The following EFL1 variants were observed in gnomAD, a reference collection of about 807,000 sequenced individuals.
EFL1 encodes the protein elongation factor-like GTPase 1.
In EFL1, 76 loss-of-function variants were observed where a neutral mutation model predicts 126.7. The ratio of observed to expected loss-of-function variants is 0.60; its 90% confidence interval spans 0.50 to 0.73. EFL1 has a LOEUF of 0.73. Ranked by LOEUF, EFL1 falls within the 30% of genes least tolerant of loss-of-function variation. The probability of loss-of-function intolerance (pLI) is 0.00; values close to 1 mark genes in which losing one functional copy is unlikely to be tolerated. For synonymous variants in EFL1, 410 were observed against 448.4 expected (o/e 0.91, Z 1.08); for missense variants, 1,128 against 1,343.2 (o/e 0.84, Z 2.50).
intron 15 of EFL1, among the ~76,000 whole-genome samples, chr15:82,204,012 TACA>T (rs2074498868): frequency 6.6e-6 from 1 of 152,244 alleles, no homozygotes; most frequent in Non-Finnish European, 1.5e-5. Context: ...TGTATCAATT[TACA>T]ACAACAGTTT....
chr15:82,230,715 A>G, intron 8 of EFL1, 133 bp downstream of exon 8: 1 of 1,056,912 alleles, frequency 9.5e-7, no homozygotes, highest in Non-Finnish European at 1.3e-6. Context: ...TCCCAATTAT[A>G]TACAGTAAAA....
chr15:82,173,879 TC>T (rs999654348), intron 15 of EFL1, among the ~76,000 whole-genome samples: 17 of 151,766 alleles, frequency 1.1e-4, no homozygotes, highest in African/African-American at 3.1e-4. Context: ...GATAAAACAA[TC>T]TTTTTTTCTT....
At chr15:82,188,503 T>A (rs563852820) in intron 15 of EFL1, among the ~76,000 whole-genome samples, 6 of 152,164 alleles carry the variant, frequency 3.9e-5, no homozygotes, top group Non-Finnish European at 7.4e-5. Flanking sequence ...AATCTATCTG[T>A]CTCTACCTGT....
intron 12 of EFL1, among the ~76,000 whole-genome samples, chr15:82,223,899 C>T (rs184729774): frequency 6.6e-6 from 1 of 152,168 alleles, no homozygotes; most frequent in African/African-American, 2.4e-5. Context: ...ATTTACTCAC[C>T]CATCTATTCC....
In EFL1 at chr15:82,240,463, G is replaced by C; in HGVS notation, c.471C>G (p.Phe157Leu). ...KIDRLIVELKFTPQEAYSHLK... is the reference protein window; with the variant it reads ...KIDRLIVELKLTPQEAYSHLK... ...GGTGAGAATAGGCCTCTTGTGGGGT[G>C]AATTTCAGTTCCACTATCAAGCGAT... The change falls in exon 6 of 20, where the codon TTC becomes TTG. Residue 157 changes from phenylalanine to leucine, a missense_variant. Phe to Leu is a conservative substitution (Grantham distance 22). Coordinates refer to ENST00000268206, the MANE Select transcript of EFL1 (RefSeq NM_024580.6). The C allele has an allele frequency of 6.2e-7, 1 of 1,613,418 alleles. No homozygotes were observed.
chr15:82,238,182 C>T (rs544709183), intron 7 of EFL1, 125 bp downstream of exon 7: 1 of 1,038,896 alleles, frequency 9.6e-7, no homozygotes, highest in African/African-American at 1.6e-5. Flanking sequence ...CACCAGAGAA[C>T]TCTCTGCATT....
At chr15:82,143,119 A>G (rs780062340) in intron 18 of EFL1, among the ~76,000 whole-genome samples, 1 of 152,212 alleles carries the variant, frequency 6.6e-6, no homozygotes, top group Non-Finnish European at 1.5e-5. Flanking sequence ...TGTCCACAGC[A>G]ATGTTTTCTT....
chr15:82,141,407 C>T (rs1024063503), intron 18 of EFL1, among the ~76,000 whole-genome samples: 24 of 152,256 alleles, frequency 1.6e-4, no homozygotes, highest in African/African-American at 5.5e-4. Context: ...CGGTGGCTCA[C>T]GCCTATAATC....
At chr15:82,231,131 C>T (rs564943416) in intron 7 of EFL1, among the ~76,000 whole-genome samples, 160 bp from the exon 8 acceptor site, 4 of 152,252 alleles carry the variant, frequency 2.6e-5, no homozygotes, top group African/African-American at 9.6e-5. Flanking sequence ...AGAGATATCA[C>T]ACAGGGAACA....
At chr15:82,210,250 CAG>C (rs2074569764) in intron 15 of EFL1, among the ~76,000 whole-genome samples, 1 of 152,198 alleles carries the variant, frequency 6.6e-6, no homozygotes, top group African/African-American at 2.4e-5. Context: ...CATCAAAAGG[CAG>C]AGTCAGTTCC....
chr15:82,167,647 CTGG>C (rs903405909), intron 15 of EFL1, among the ~76,000 whole-genome samples: 2 of 152,114 alleles, frequency 1.3e-5, no homozygotes, highest in African/African-American at 4.8e-5. Flanking sequence ...TGAGGTTACA[CTGG>C]CAAGCAGGAA....
intron 4 of EFL1, among the ~76,000 whole-genome samples, chr15:82,250,803 C>T (rs1278204776): frequency 1.3e-5 from 2 of 152,118 alleles, no homozygotes; most frequent in Non-Finnish European, 2.9e-5. Flanking sequence ...TCCAATAAGA[C>T]TCCTGTTTTT....
chr15:82,228,421 T>C, intron 9 of EFL1, 94 bp from the exon 10 acceptor site: 1 of 1,444,482 alleles, frequency 6.9e-7, no homozygotes, highest in South Asian at 1.5e-5. Context: ...TTTACCCTAA[T>C]GTGTTACTTT....
chr15:82,254,921 G>C (rs1419522863), intron 3 of EFL1, among the ~76,000 whole-genome samples: 1 of 152,192 alleles, frequency 6.6e-6, no homozygotes, highest in Non-Finnish European at 1.5e-5. Context: ...TCAAGGTCTA[G>C]AGAATGAGAT....
At chr15:82,157,070 C>G (rs1358888718) in intron 17 of EFL1, among the ~76,000 whole-genome samples, 1 of 152,082 alleles carries the variant, frequency 6.6e-6, no homozygotes, top group Admixed American at 6.6e-5. Flanking sequence ...TTTATCTTAA[C>G]CAAATAATCA....
At chr15:82,134,041 T>A (rs999739641) in intron 19 of EFL1, among the ~76,000 whole-genome samples, 1 of 152,224 alleles carries the variant, frequency 6.6e-6, no homozygotes, top group Non-Finnish European at 1.5e-5. Flanking sequence ...AGCTGTGCGA[T>A]CTTGGGCAGC....
intron 8 of EFL1, among the ~76,000 whole-genome samples, 157 bp downstream of exon 8, chr15:82,230,691 G>A (rs1305203182): frequency 1.3e-5 from 2 of 152,100 alleles, no homozygotes; most frequent in African/African-American, 2.4e-5. Context: ...CCTGTATATG[G>A]ACTTGTAAGC....
chr15:82,151,931 T>C lies in EFL1; in HGVS notation c.2523A>G (p.Glu841=). ...CGPNILVNKS[E]DFQNSVWTGP... ...CTGTCCATACTGAGTTCTGAAAATCTTCACTTTTATTGACTAGTATGTTGG... is the reference window on the plus strand; with the variant it reads ...CTGTCCATACTGAGTTCTGAAAATCCTCACTTTTATTGACTAGTATGTTGG... The change falls in exon 18 of 20, where the codon GAA becomes GAG. Residue 841 remains glutamate, a synonymous_variant. Coordinates refer to ENST00000268206, the MANE Select transcript of EFL1 (RefSeq NM_024580.6). 6.2e-7 allele frequency: 1 copy of C among 1,614,130 alleles called. No individual in the cohort carries two copies. Among genetic ancestry groups the C allele is most frequent in the South Asian group, 1.1e-5 (1 of 91,078 alleles).
At chr15:82,180,947 C>T (rs910501853) in intron 15 of EFL1, among the ~76,000 whole-genome samples, 9 of 152,028 alleles carry the variant, frequency 5.9e-5, no homozygotes, top group East Asian at 1.9e-4. Context: ...AGGCTGGTCT[C>T]GAACTTCTGG....
Sources: gnomAD v4.1 joint callset for allele counts (sites outside exome capture counted in the v4.1 genomes callset) on GRCh38, gnomAD v4.1.1 for gene constraint, MANE v1.5 for transcripts, NCBI Gene and HGNC (gene_info 2026-07-23, HGNC 2026-07-21) for gene names.